HECTD4: variants seen among roughly 807,000 people sequenced by gnomAD.
HECTD4 encodes probable E3 ubiquitin-protein ligase HECTD4.
Under a neutral mutation model 471.5 loss-of-function variants are expected in HECTD4, and 114 were observed. The observed-to-expected ratio is 0.24, with a 90% CI of 0.21 to 0.28. The LOEUF (loss-of-function observed/expected upper bound fraction) is 0.28, where lower values mean the gene tolerates loss of function less well. HECTD4 is among the 10% of genes least tolerant of loss of function. The pLI is 1.00. For synonymous variants in HECTD4, 2,012 were observed against 2,256.0 expected, an observed-to-expected ratio of 0.89 and a Z score of 3.07; for missense variants, 3,866 against 5,651.5, an observed-to-expected ratio of 0.68 and a Z score of 10.13.
rs2031774954 is a variant in HECTD4, at chr12:112,184,206, T to C, written c.10760A>G (p.Lys3587Arg). The C allele has an allele frequency of 1.2e-6, 2 of 1,611,936 alleles. No individual in the cohort carries two copies. The highest frequency in any genetic ancestry group is 1.7e-6 in the Non-Finnish European group (2 of 1,179,042). Reference protein sequence around the residue: ...DNQPLAARPIKGFAVVEIRSR... With the variant: ...DNQPLAARPIRGFAVVEIRSR... ...TGTTACCTCCACGACTGCGAAGCCT[T>C]TGATGGGGCGGGCGGCGAGGGGCTG... The change falls in exon 61 of 76, where the codon AAA becomes AGA. Residue 3587 changes from lysine to arginine, a missense_variant. Coordinates refer to ENST00000682272, the MANE Select transcript of HECTD4 (RefSeq NM_001388303.1). The surrounding 1 kb of genome is among the most constrained non-coding windows in gnomAD (Gnocchi z 9.1).
intron 55 of HECTD4, among the ~76,000 whole-genome samples, chr12:112,199,964 A>G (rs1393864804): frequency 2.0e-5 from 3 of 152,186 alleles, no homozygotes; most frequent in Non-Finnish European, 2.9e-5. Flanking sequence ...TCCAGCTCTC[A>G]TCTCTCACTA....
chr12:112,218,409 T>G (rs2032992723), intron 45 of HECTD4, among the ~76,000 whole-genome samples: 1 of 152,108 alleles, frequency 6.6e-6, no homozygotes, highest in Admixed American at 6.6e-5. Context: ...TTCCCTTAAC[T>G]CTCCTTTGCC....
chr12:112,168,673 G>T (rs887549068), intron 70 of HECTD4, among the ~76,000 whole-genome samples: 1 of 152,202 alleles, frequency 6.6e-6, no homozygotes, highest in Non-Finnish European at 1.5e-5. Flanking sequence ...GACTGCTGAC[G>T]CCTGGAAGGC....
intron 1 of HECTD4, among the ~76,000 whole-genome samples, chr12:112,377,401 A>G (rs1213939938): frequency 6.6e-6 from 1 of 152,124 alleles, no homozygotes; most frequent in Non-Finnish European, 1.5e-5. Context: ...GTCATTGTCT[A>G]TATCATCCCA....
In HECTD4 at chr12:112,282,214, T is replaced by G. The variant is rs2034660366; in HGVS notation, c.1528+896A>C. 2.0e-5 allele frequency among the ~76,000 whole-genome samples: 3 copies of G among 152,076 alleles called. 1 individual carries two copies. In the South Asian group the frequency reaches 6.2e-4, roughly 31 times the overall value. ...CTGGCTAACACGGTGAAACCCCGTC[T>G]CTACTAAAAATACAAAAAATTAGCC... is the stretch of plus-strand genomic sequence containing the variant. On this transcript the variant is annotated intron_variant, in intron 8 of 75. Coordinates refer to ENST00000682272, the MANE Select transcript of HECTD4 (RefSeq NM_001388303.1).
At position 112,228,546 on chromosome 12, in the gene HECTD4, TAATC is replaced by T. The variant is rs1178652215; in HGVS notation, c.6684+97_6684+100del. The T allele has an allele frequency of 1.3e-5, 14 of 1,054,316 alleles. No individual in the cohort carries two copies. In the East Asian group the frequency reaches 3.6e-4, roughly 27 times the overall value. 65.3% of individuals were successfully genotyped at this position (1,054,316 alleles called of 1,614,324 possible). Reference sequence around the variant, plus strand: ...TATACATCACAAGTACAATTTAAGATAATCAAGCATTTGTGCTTCTGCACTGAGC... The same window carrying T: ...TATACATCACAAGTACAATTTAAGATAAGCATTTGTGCTTCTGCACTGAGC... On this transcript the variant is annotated intron_variant, in intron 42 of 75. Coordinates refer to ENST00000682272, the MANE Select transcript of HECTD4 (RefSeq NM_001388303.1). This position sits in a 1 kb window ranked among gnomAD's most constrained non-coding sequence, Gnocchi z 4.9.
rs1366354027 is a variant in HECTD4 at position 112,200,773 on chromosome 12, G to A, written c.8432C>T (p.Thr2811Met). The A allele has an allele frequency of 6.2e-7, 1 of 1,613,332 alleles. No individual in the cohort carries two copies. The highest frequency in any genetic ancestry group is 8.5e-7 in the Non-Finnish European group (1 of 1,179,540). The part of the protein sequence containing the change: ...DSVNELVQVE[T>M]YLRSEGVLVR... Reference sequence around the variant, plus strand: ...CAGCACACCTTCACTGCGGAGGTACGTTTCTACCTGCACCAGTTCATTCAC... The same window carrying A: ...CAGCACACCTTCACTGCGGAGGTACATTTCTACCTGCACCAGTTCATTCAC... The change falls in exon 55 of 76, where the codon ACG becomes ATG. Residue 2811 changes from threonine (T) to methionine (M), a missense_variant. This residue lies in a region of HECTD4 where 266 missense variants were observed against 441.6 expected (regional missense o/e 0.60). Coordinates refer to ENST00000682272, the MANE Select transcript of HECTD4 (RefSeq NM_001388303.1).
chr12:112,283,312 A>G lies in HECTD4; in HGVS notation c.1336-10T>C, dbSNP rs927709860. 1 of 1,590,538 alleles carries G rather than the reference A, an allele frequency of 6.3e-7. No individual in the cohort carries two copies. The highest frequency in any genetic ancestry group is 8.6e-7 in the Non-Finnish European group (1 of 1,165,578). ...ATACACCATTTTCAACCTAACATAG[A>G]AAAAAAGGAGGTCCTAAAATGATAT... On this transcript the variant is annotated splice_polypyrimidine_tract_variant and intron_variant, in intron 7 of 75. Transcript: ENST00000682272.
chr12:112,261,171 G>T, intron 18 of HECTD4, 134 bp downstream of exon 18: 1 of 927,044 alleles, frequency 1.1e-6, no homozygotes. Flanking sequence ...TCAAACACTT[G>T]CCCTTTTAGC....
intron 1 of HECTD4, among the ~76,000 whole-genome samples, chr12:112,366,807 G>A (rs2036568633): frequency 6.6e-6 from 1 of 150,480 alleles, no homozygotes; most frequent in South Asian, 2.1e-4. Flanking sequence ...TTGAACCCAG[G>A]AGGCGGAGGT....
Position 112,237,077 on chromosome 12 carries a change from T to C in HECTD4, c.5312A>G (p.His1771Arg). The change falls in exon 35 of 76, where the codon CAC becomes CGC. Residue 1771 changes from histidine (H) to arginine (R), a missense_variant. By Grantham distance (29) the His-to-Arg change is conservative (BLOSUM62 0). Transcript: ENST00000682272. The part of the protein sequence containing the change: ...KEEGGSTEAV[H>R]SGLARQVSSL... ...GGACACCTGCCGGGCCAGACCTGAGTGCACAGCCTCTGTGGAGCCACCTTC... is the reference window on the plus strand; with the variant it reads ...GGACACCTGCCGGGCCAGACCTGAGCGCACAGCCTCTGTGGAGCCACCTTC... 2 of 1,588,312 alleles carry C rather than the reference T, an allele frequency of 1.3e-6. No individual in the cohort carries two copies. Among genetic ancestry groups the C allele is most frequent in the Non-Finnish European group, 1.7e-6 (2 of 1,167,752 alleles).
chr12:112,273,983 T>C (rs1349739982), intron 10 of HECTD4, among the ~76,000 whole-genome samples, 188 bp from the exon 11 acceptor site: 1 of 152,280 alleles, frequency 6.6e-6, no homozygotes, highest in Non-Finnish European at 1.5e-5. Context: ...CATTTAATTT[T>C]TAATTTTGCT....
chr12:112,349,301 A>C (rs1407818698), intron 1 of HECTD4, among the ~76,000 whole-genome samples: 2 of 150,324 alleles, frequency 1.3e-5, no homozygotes, highest in Non-Finnish European at 2.9e-5. Flanking sequence ...AGGCAGAAGA[A>C]TCGCTTGAAC....
At chr12:112,191,276 A>G (rs1366508495) in intron 59 of HECTD4, among the ~76,000 whole-genome samples, 1 of 152,266 alleles carries the variant, frequency 6.6e-6, no homozygotes, top group Admixed American at 6.5e-5. Context: ...GGGGAAAGTA[A>G]GTAACACTTT....
chr12:112,225,882 C>G (rs2033221271), intron 44 of HECTD4, among the ~76,000 whole-genome samples: 1 of 152,192 alleles, frequency 6.6e-6, no homozygotes. Context: ...CCTGCCTCAG[C>G]TTCCCAAGTA....
intron 1 of HECTD4, among the ~76,000 whole-genome samples, chr12:112,367,321 AG>A: frequency 6.8e-6 from 1 of 147,192 alleles, no homozygotes; most frequent in African/African-American, 2.6e-5. Context: ...AAAGAAAGAA[AG>A]AAAGAAAGAA....
At chr12:112,336,342 T>C (rs2035958176) in intron 1 of HECTD4, among the ~76,000 whole-genome samples, 1 of 151,984 alleles carries the variant, frequency 6.6e-6, no homozygotes, top group African/African-American at 2.4e-5. Context: ...GCTAACACGG[T>C]GAAACCCTGT....
intron 1 of HECTD4, among the ~76,000 whole-genome samples, chr12:112,377,854 G>C (rs2036812746): frequency 6.6e-6 from 1 of 151,754 alleles, no homozygotes; most frequent in African/African-American, 2.4e-5. Flanking sequence ...TGGGTAACAA[G>C]AATAAAACTC....
At chr12:112,247,992 AC>A in intron 27 of HECTD4, 74 bp downstream of exon 27, 1 of 1,011,418 alleles carries the variant, frequency 9.9e-7, no homozygotes. Flanking sequence ...ACACACACAC[AC>A]ACACACACAC....
Sources: allele counts gnomAD v4.1 joint callset (sites outside exome capture counted in the v4.1 genomes callset), GRCh38; gene constraint gnomAD v4.1.1; regional missense constraint gnomAD v4.1.1; non-coding constraint Gnocchi (gnomAD v3.1); transcripts MANE v1.5; gene names NCBI Gene and HGNC (gene_info 2026-07-23, HGNC 2026-07-21).